TAS2R1: variants seen among roughly 807,000 people sequenced by gnomAD.
TAS2R1 encodes taste receptor type 2 member 1.
For synonymous variants in TAS2R1, 141 were observed against 134.2 expected (o/e 1.05, Z -0.35); for missense variants, 370 against 353.4 (o/e 1.05, Z -0.38).
chr5:9,763,068 A>G, the TAS2R1 span, among the ~76,000 whole-genome samples: 1 of 152,254 alleles, frequency 6.6e-6, no homozygotes, highest in Non-Finnish European at 1.5e-5. Context: ...ACAAGCATAA[A>G]TTAACTTTTT....
the TAS2R1 span, among the ~76,000 whole-genome samples, chr5:9,871,716 C>A: frequency 5.9e-5 from 9 of 152,312 alleles, no homozygotes; most frequent in African/African-American, 2.2e-4. Flanking sequence ...AAGGGGAGAA[C>A]AGTCCATTGA....
chr5:9,766,549 T>C, the TAS2R1 span, among the ~76,000 whole-genome samples: 2 of 152,160 alleles, frequency 1.3e-5, no homozygotes, highest in Non-Finnish European at 2.9e-5. Flanking sequence ...GTCACCTGGG[T>C]TGGATGAGTC....
intron 1 of TAS2R1, among the ~76,000 whole-genome samples, chr5:9,707,802 G>A (rs1221146428): frequency 6.6e-6 from 1 of 151,990 alleles, no homozygotes; most frequent in Non-Finnish European, 1.5e-5. Flanking sequence ...GGAGGGAGGT[G>A]GTGCGAAATA....
the TAS2R1 span, among the ~76,000 whole-genome samples, chr5:9,826,207 T>C: frequency 1.3e-5 from 2 of 152,190 alleles, no homozygotes; most frequent in Non-Finnish European, 2.9e-5. Context: ...AATTTTTGTA[T>C]AATGATGCTA....
chr5:9,702,110 ATTC>A (rs1424719553), intron 1 of TAS2R1, among the ~76,000 whole-genome samples: 1 of 152,204 alleles, frequency 6.6e-6, no homozygotes, highest in African/African-American at 2.4e-5. Context: ...TAAAGGCTCT[ATTC>A]TTCTTGTTTC....
At chr5:9,706,758 A>G (rs996097211) in intron 1 of TAS2R1, among the ~76,000 whole-genome samples, 5 of 152,124 alleles carry the variant, frequency 3.3e-5, no homozygotes, top group African/African-American at 1.2e-4. Flanking sequence ...GACGGAGAGC[A>G]GAGAGGAAGG....
chr5:9,720,026 C>T, the TAS2R1 span, among the ~76,000 whole-genome samples: 1 of 143,692 alleles, frequency 7.0e-6, no homozygotes, highest in South Asian at 2.2e-4. Flanking sequence ...CTTTCTTTTT[C>T]TTCCTCTACT....
the TAS2R1 span, among the ~76,000 whole-genome samples, chr5:9,829,284 C>T: frequency 2.2e-4 from 33 of 152,318 alleles, no homozygotes; most frequent in Non-Finnish European, 3.2e-4. Flanking sequence ...TCTTCTTAAT[C>T]ATACACAGAC....
At chr5:9,746,196 C>A in the TAS2R1 span, among the ~76,000 whole-genome samples, 3 of 152,154 alleles carry the variant, frequency 2.0e-5, no homozygotes, top group African/African-American at 7.2e-5. Flanking sequence ...TCAAGAGATG[C>A]AAATCAAAAC....
chr5:9,746,174 A>G, the TAS2R1 span, among the ~76,000 whole-genome samples: 1 of 152,262 alleles, frequency 6.6e-6, no homozygotes, highest in Admixed American at 6.5e-5. Context: ...AAAGGTCATC[A>G]TCACTGGTCA....
chr5:9,825,427 C>G, the TAS2R1 span, among the ~76,000 whole-genome samples: 1 of 152,142 alleles, frequency 6.6e-6, no homozygotes, highest in East Asian at 1.9e-4. Context: ...GACCTGCCCC[C>G]GTGATTCAAT....
chr5:9,709,847 A>C (rs1741696469), intron 1 of TAS2R1, among the ~76,000 whole-genome samples: 1 of 152,246 alleles, frequency 6.6e-6, no homozygotes, highest in African/African-American at 2.4e-5. Context: ...AAAATGTGAG[A>C]TAATAAGTGT....
At chr5:9,847,080 T>C in the TAS2R1 span, among the ~76,000 whole-genome samples, 1 of 152,216 alleles carries the variant, frequency 6.6e-6, no homozygotes, top group Admixed American at 6.5e-5. Context: ...AAGTCCCATA[T>C]AGGCAGACAC....
the TAS2R1 span, among the ~76,000 whole-genome samples, chr5:9,769,574 GT>G: frequency 2.0e-5 from 3 of 152,062 alleles, no homozygotes; most frequent in African/African-American, 7.2e-5. Flanking sequence ...GCCAGAATTT[GT>G]TATTGCCTGT....
At chr5:9,696,270 A>C (rs1170093353) in intron 1 of TAS2R1, among the ~76,000 whole-genome samples, 1 of 152,136 alleles carries the variant, frequency 6.6e-6, no homozygotes, top group African/African-American at 2.4e-5. Flanking sequence ...TAAATATATT[A>C]AACATGAGAT....
chr5:9,898,664 C>A, the TAS2R1 span, among the ~76,000 whole-genome samples: 1 of 152,130 alleles, frequency 6.6e-6, no homozygotes, highest in Admixed American at 6.5e-5. Context: ...CTCCTCAAGT[C>A]CCTTGCATGA....
chr5:9,648,710 C>T (rs1219924728), intron 2 of TAS2R1, among the ~76,000 whole-genome samples: 3 of 151,952 alleles, frequency 2.0e-5, no homozygotes, highest in South Asian at 4.2e-4. Flanking sequence ...TAGCTAGGGA[C>T]GTATAGACTC....
intron 2 of TAS2R1, among the ~76,000 whole-genome samples, chr5:9,644,105 A>T (rs1052817325): frequency 6.6e-6 from 1 of 152,164 alleles, no homozygotes; most frequent in Non-Finnish European, 1.5e-5. Flanking sequence ...ACTGCATCTC[A>T]CCCTCAACTG....
At chr5:9,811,147 A>C in the TAS2R1 span, among the ~76,000 whole-genome samples, 1 of 152,164 alleles carries the variant, frequency 6.6e-6, no homozygotes, top group African/African-American at 2.4e-5. Context: ...GTATCTTTCT[A>C]AAAGAGGCCC....
Sources: allele counts gnomAD v4.1 joint callset (sites outside exome capture counted in the v4.1 genomes callset), GRCh38; gene constraint gnomAD v4.1.1; transcripts MANE v1.5; gene names NCBI Gene and HGNC (gene_info 2026-07-23, HGNC 2026-07-21).